SATB2: variants seen among roughly 807,000 people sequenced by gnomAD.
The protein encoded by SATB2 is DNA-binding protein SATB2.
SATB2 carries 1 observed loss-of-function variant against 73.4 expected under a neutral mutation model. That is an observed-to-expected ratio of 0.01 (90% CI 0.00 to 0.06). The LOEUF is 0.06. Among genes scored for constraint, SATB2 ranks in the 10% least tolerant of loss-of-function variants. SATB2 has a pLI of 1.00. For missense variants in SATB2, 459 were observed against 945.8 expected (o/e 0.49, Z 6.75); for synonymous variants, 397 against 367.0 (o/e 1.08, Z -0.93).
intron 3 of SATB2, chr2:199,423,911 A>G (rs1691249444): frequency 1.3e-5 from 2 of 152,210 alleles, no homozygotes; most frequent in South Asian, 2.1e-4. Context: ...AAACTGACAG[A>G]AAGAGTATCT....
rs561890061 is a variant in SATB2 at position 199,281,967 on chromosome 2, C to T, written c.1741-9295G>A. Among the ~76,000 whole-genome samples, 8 of 151,654 alleles carry T rather than the reference C, an allele frequency of 5.3e-5. No homozygotes were observed. In the East Asian group the frequency reaches 7.8e-4, roughly 15 times the overall value. ...CGTGATCTCAGCTCACTGCAAGCTCCGCCTCCTGGGTTCATGCCATTCTCC... is the reference window on the plus strand; with the variant it reads ...CGTGATCTCAGCTCACTGCAAGCTCTGCCTCCTGGGTTCATGCCATTCTCC... On this transcript the variant is annotated intron_variant, in intron 10 of 10. Transcript: ENST00000417098.
chr2:199,444,555 T>C (rs986790506), intron 2 of SATB2, among the ~76,000 whole-genome samples: 8 of 152,198 alleles, frequency 5.3e-5, no homozygotes, highest in Non-Finnish European at 1.0e-4. Context: ...AATAAAGGTA[T>C]TGGTGTTGTC....
At chr2:199,276,261 A>G (rs1274885004) in intron 10 of SATB2, among the ~76,000 whole-genome samples, 1 of 152,196 alleles carries the variant, frequency 6.6e-6, no homozygotes, top group African/African-American at 2.4e-5. Flanking sequence ...TCTTTTCTTC[A>G]CTTTCTCACA....
chr2:199,415,267 T>C (rs1005150961), intron 3 of SATB2, among the ~76,000 whole-genome samples: 2 of 152,188 alleles, frequency 1.3e-5, no homozygotes, highest in African/African-American at 4.8e-5. Context: ...AAGCTTGTTA[T>C]CTGACCAGTG....
At chr2:199,449,961 G>C (rs1025312675) in intron 2 of SATB2, among the ~76,000 whole-genome samples, 10 of 152,052 alleles carry the variant, frequency 6.6e-5, no homozygotes, top group African/African-American at 2.4e-4. Flanking sequence ...ATTTTTTTGA[G>C]TTAAGCATAA....
At chr2:199,423,294 C>T (rs1204745555) in intron 3 of SATB2, among the ~76,000 whole-genome samples, 1 of 151,986 alleles carries the variant, frequency 6.6e-6, no homozygotes, top group African/African-American at 2.4e-5. Context: ...GTCTCAACAC[C>T]TAGAACAACA....
intron 10 of SATB2, among the ~76,000 whole-genome samples, chr2:199,299,766 T>C (rs1038368698): frequency 2.0e-5 from 3 of 152,164 alleles, no homozygotes; most frequent in South Asian, 2.1e-4. Context: ...ATCAGGTCTA[T>C]AACTTGAAGC....
intron 3 of SATB2, among the ~76,000 whole-genome samples, chr2:199,390,342 G>A (rs1366707913): frequency 1.3e-5 from 2 of 152,094 alleles, no homozygotes; most frequent in Admixed American, 6.5e-5. Flanking sequence ...ATTATTTGGG[G>A]TTGGTTCTAA....
At chr2:199,413,063 T>C (rs1690870629) in intron 3 of SATB2, among the ~76,000 whole-genome samples, 1 of 152,222 alleles carries the variant, frequency 6.6e-6, no homozygotes, top group Non-Finnish European at 1.5e-5. Context: ...ATATTTCAAA[T>C]TAATACATGA....
chr2:199,409,328 G>A (rs566716488), intron 3 of SATB2, among the ~76,000 whole-genome samples: 3 of 151,972 alleles, frequency 2.0e-5, no homozygotes, highest in Non-Finnish European at 4.4e-5. Flanking sequence ...GTGCCACCAC[G>A]CCCGGCTAAT....
chr2:199,422,208 T>C (rs1356871621), intron 3 of SATB2, among the ~76,000 whole-genome samples: 3 of 152,186 alleles, frequency 2.0e-5, no homozygotes, highest in African/African-American at 4.8e-5. Flanking sequence ...CATAGAACTA[T>C]AACCAAAGGG....
At chr2:199,329,158 C>T (rs1345402211) in intron 7 of SATB2, 19 of 511,012 alleles carry the variant, frequency 3.7e-5, no homozygotes, top group Non-Finnish European at 6.4e-5. Flanking sequence ...AGTGTACAGA[C>T]ATGCCAGCTA....
rs564167150 is a variant in SATB2 at position 199,281,187 on chromosome 2, T to A, written c.1741-8515A>T. Among the ~76,000 whole-genome samples the A allele has an allele frequency of 8.7e-5, 13 of 150,226 alleles. No individual in the cohort carries two copies. The South Asian group carries it at 2.7e-3, about 31-fold the overall frequency. Reference sequence around the variant, plus strand: ...AGCGGGAGGTTGCAGTGAGCTGAGATCACACCACTGCACTCCAGCCTGGGT... The same window carrying A: ...AGCGGGAGGTTGCAGTGAGCTGAGAACACACCACTGCACTCCAGCCTGGGT... On this transcript the variant is annotated intron_variant, in intron 10 of 10. Coordinates refer to ENST00000417098, the MANE Select transcript of SATB2 (RefSeq NM_001172509.2).
chr2:199,359,917 T>G (rs1288042355), intron 6 of SATB2, among the ~76,000 whole-genome samples: 5 of 152,172 alleles, frequency 3.3e-5, no homozygotes, highest in Non-Finnish European at 7.3e-5. Context: ...AAGGGTCAAA[T>G]AATCTCAAAT....
At position 199,433,534 on chromosome 2, in the gene SATB2, GA is replaced by G. The variant is rs780529638; in HGVS notation, c.170-21del. 2.5e-6 allele frequency: 4 copies of G among 1,612,268 alleles called. No individual in the cohort carries two copies. The Admixed American group carries it at 5.0e-5, about 20-fold the overall frequency. On this transcript the variant is annotated intron_variant, in intron 2 of 10. Coordinates refer to ENST00000417098, the MANE Select transcript of SATB2 (RefSeq NM_001172509.2). ...TCAAACCTGAAGGGACAAAATTCAAGAGCAAAACACAAACATTAAAAAGCAA... is the reference window on the plus strand; with the variant it reads ...TCAAACCTGAAGGGACAAAATTCAAGGCAAAACACAAACATTAAAAAGCAA...
intron 7 of SATB2, among the ~76,000 whole-genome samples, chr2:199,341,301 T>C (rs2105813013): frequency 6.6e-6 from 1 of 152,122 alleles, no homozygotes; most frequent in Admixed American, 6.5e-5. Flanking sequence ...CAAGAACGAA[T>C]ATGGAAAAAA....
intron 2 of SATB2, among the ~76,000 whole-genome samples, chr2:199,446,850 A>T (rs1443882548): frequency 6.6e-6 from 1 of 152,190 alleles, no homozygotes; most frequent in African/African-American, 2.4e-5. Flanking sequence ...CACCAGGAGG[A>T]TGTACTGCCT....
At chr2:199,317,337 T>C (rs1687763396) in intron 9 of SATB2, among the ~76,000 whole-genome samples, 1 of 151,988 alleles carries the variant, frequency 6.6e-6, no homozygotes, top group Non-Finnish European at 1.5e-5. Flanking sequence ...TCTCCCACTG[T>C]AAGAACCACA....
intron 10 of SATB2, among the ~76,000 whole-genome samples, chr2:199,283,074 T>C (rs770479439): frequency 6.1e-4 from 93 of 151,356 alleles, no homozygotes; most frequent in Admixed American, 1.2e-3. Flanking sequence ...ATTTACAACA[T>C]AAACATAAAC....
Sources: gnomAD v4.1 joint callset for allele counts (sites outside exome capture counted in the v4.1 genomes callset) on GRCh38, gnomAD v4.1.1 for gene constraint, MANE v1.5 for transcripts, NCBI Gene and HGNC (gene_info 2026-07-23, HGNC 2026-07-21) for gene names.